Variants in FAAH2 observed in about 807,000 individuals in gnomAD.
The protein encoded by FAAH2 is fatty-acid amide hydrolase 2.
Under a neutral mutation model 36.9 loss-of-function variants are expected in FAAH2, and 60 were observed. The ratio of observed to expected loss-of-function variants is 1.63; its 90% CI spans 1.32 to 2.02. The LOEUF (loss-of-function observed/expected upper bound fraction) is 2.02, where lower values mean the gene tolerates loss of function less well. FAAH2 is among the 30% of genes most tolerant of loss of function. The pLI is 0.00. For synonymous variants in FAAH2, 214 were observed against 143.8 expected, an observed-to-expected ratio of 1.49 and a Z score of -3.49; for missense variants, 689 against 397.5, an observed-to-expected ratio of 1.73 and a Z score of -6.23.
At chrX:57,385,172 C>T (rs1024467108) in intron 7 of FAAH2, among the ~76,000 whole-genome samples, 18 of 108,319 alleles carry the variant, frequency 1.7e-4, no homozygotes, top group Admixed American at 5.0e-4. Flanking sequence ...GGAGATATAC[C>T]TAATGTGAAT....
intron 10 of FAAH2, among the ~76,000 whole-genome samples, chrX:57,467,038 A>G (rs1415718427): frequency 9.0e-6 from 1 of 111,109 alleles, no homozygotes; most frequent in Non-Finnish European, 1.9e-5. Flanking sequence ...GTTGCTGATG[A>G]TGATGATTTT....
At chrX:57,224,517 C>T in the FAAH2 span, among the ~76,000 whole-genome samples, 588 of 111,121 alleles carry the variant, frequency 5.3e-3, 3 homozygotes, top group African/African-American at 0.017. Context: ...AGTCCCAAGG[C>T]GCAAGGGCCA....
At chrX:57,210,855 C>G in the FAAH2 span, among the ~76,000 whole-genome samples, 2 of 112,651 alleles carry the variant, frequency 1.8e-5, no homozygotes, top group African/African-American at 6.4e-5. Context: ...AAATCCCCAT[C>G]AAAGTTGGTG....
At chrX:57,486,431 T>C (rs937783546) in intron 10 of FAAH2, among the ~76,000 whole-genome samples, 16 of 111,665 alleles carry the variant, frequency 1.4e-4, no homozygotes, top group Admixed American at 2.9e-4. Context: ...GGAAGCTGGC[T>C]AGGGACTTCA....
intron 2 of FAAH2, among the ~76,000 whole-genome samples, chrX:57,296,471 C>T (rs1015643486): frequency 2.7e-5 from 3 of 111,094 alleles, no homozygotes; most frequent in African/African-American, 9.8e-5. Flanking sequence ...TCATCAAAGA[C>T]CAAAGATAGA....
intron 7 of FAAH2, chrX:57,393,561 C>T: frequency 8.5e-6 from 8 of 938,917 alleles, no homozygotes; most frequent in Non-Finnish European, 1.2e-5. Context: ...ACTGGAGTGC[C>T]CTCCAATCTC....
At chrX:57,394,447 C>T (rs1035024629) in intron 7 of FAAH2, 1 of 1,200,844 alleles carries the variant, frequency 8.3e-7, no homozygotes, top group Admixed American at 2.2e-5. Flanking sequence ...CTCAAGCCAG[C>T]TTACCAATGG....
chrX:57,456,917 G>C (rs1485391149), intron 10 of FAAH2, among the ~76,000 whole-genome samples: 1 of 111,702 alleles, frequency 9.0e-6, no homozygotes, highest in African/African-American at 3.3e-5. Context: ...AATCGAAGAA[G>C]AGTCTTCTCC....
At chrX:57,187,000 G>A in the FAAH2 span, among the ~76,000 whole-genome samples, 3 of 111,678 alleles carry the variant, frequency 2.7e-5, no homozygotes, top group Non-Finnish European at 5.6e-5. Context: ...GTAGCATGAT[G>A]CCTCCAGCTT....
intron 10 of FAAH2, among the ~76,000 whole-genome samples, chrX:57,457,694 T>C (rs1324879605): frequency 3.0e-5 from 1 of 33,322 alleles, no homozygotes; most frequent in Non-Finnish European, 6.6e-5. Flanking sequence ...CCATTTACAA[T>C]AGCCACAAAA....
Position 57,459,562 on chromosome X carries a change from C to T in FAAH2, c.1423+10844C>T, listed in dbSNP as rs902800061. Among the ~76,000 whole-genome samples, 3 of 112,220 alleles carry T rather than the reference C, an allele frequency of 2.7e-5. No individual in the cohort carries two copies. The East Asian group carries it at 8.5e-4, about 32-fold the overall frequency. On this transcript the variant is annotated intron_variant, in intron 10 of 10. Coordinates refer to ENST00000374900, the MANE Select transcript of FAAH2 (RefSeq NM_174912.4). The stretch of plus-strand genomic sequence containing the variant: ...TGCCTCGTGACTGGGATAGACCTCT[C>T]AACAGGGTTTGACAGACACCTCATA...
chrX:57,360,241 T>A (rs2054256022), intron 5 of FAAH2, among the ~76,000 whole-genome samples: 1 of 110,852 alleles, frequency 9.0e-6, no homozygotes, highest in Admixed American at 9.7e-5. Context: ...AATTGAGAAG[T>A]TTTTGGCCTT....
intron 5 of FAAH2, among the ~76,000 whole-genome samples, chrX:57,354,875 T>A (rs2054121258): frequency 9.0e-6 from 1 of 110,742 alleles, no homozygotes; most frequent in African/African-American, 3.3e-5. Flanking sequence ...TTTAAAATAT[T>A]AATATGTCTA....
chrX:57,442,880 G>A (rs1227014105), intron 8 of FAAH2, among the ~76,000 whole-genome samples: 1 of 110,503 alleles, frequency 9.0e-6, no homozygotes, highest in African/African-American at 3.3e-5. Context: ...GCTTAGTTTG[G>A]CTGGATATGA....
At chrX:57,432,637 G>T (rs184861297) in intron 8 of FAAH2, among the ~76,000 whole-genome samples, 10 of 111,275 alleles carry the variant, frequency 9.0e-5, no homozygotes, top group Middle Eastern at 4.6e-3. Context: ...GTTTTTTCAG[G>T]CTTGCTGAAG....
chrX:57,439,074 G>A (rs1451705621), intron 8 of FAAH2, among the ~76,000 whole-genome samples: 2 of 110,954 alleles, frequency 1.8e-5, no homozygotes, highest in Non-Finnish European at 1.9e-5. Context: ...GTGTGCATGT[G>A]TCTTTATAGT....
chrX:57,448,464 A>G, intron 9 of FAAH2, 60 bp from the exon 10 acceptor site: 1 of 1,014,554 alleles, frequency 9.9e-7, no homozygotes, highest in East Asian at 3.2e-5. Flanking sequence ...AAAGATAAAG[A>G]ACACTAGGAA....
chrX:57,153,997 A>C, the FAAH2 span, among the ~76,000 whole-genome samples: 1 of 112,030 alleles, frequency 8.9e-6, no homozygotes, highest in Non-Finnish European at 1.9e-5. Context: ...AACTCCAATT[A>C]TTCTTAGGTT....
At chrX:57,201,926 C>T in the FAAH2 span, among the ~76,000 whole-genome samples, 3 of 111,600 alleles carry the variant, frequency 2.7e-5, no homozygotes, top group Admixed American at 1.9e-4. Flanking sequence ...TATTAAAAGA[C>T]TGTAATACAT....
Sources: allele counts gnomAD v4.1 joint callset (sites outside exome capture counted in the v4.1 genomes callset), GRCh38; gene constraint gnomAD v4.1.1; transcripts MANE v1.5; gene names NCBI Gene and HGNC (gene_info 2026-07-23, HGNC 2026-07-21).